ZC3H13: variants seen among roughly 807,000 people sequenced by gnomAD.
The protein encoded by ZC3H13 is zinc finger CCCH domain-containing protein 13.
In ZC3H13, 64 loss-of-function variants were observed where a neutral mutation model predicts 204.1. The observed-to-expected ratio is 0.31, with a 90% CI of 0.26 to 0.39. The LOEUF (loss-of-function observed/expected upper bound fraction) is 0.39, where lower values mean the gene tolerates loss of function less well. Ranked by LOEUF, ZC3H13 falls within the 10% of genes least tolerant of loss-of-function variation. ZC3H13 has a pLI of 1.00. For missense variants in ZC3H13, 1,833 were observed against 2,082.7 expected (o/e 0.88, Z 2.33); for synonymous variants, 667 against 693.7 (o/e 0.96, Z 0.60).
chr13:45,974,346 A>G (rs971676699), intron 12 of ZC3H13, among the ~76,000 whole-genome samples: 1 of 152,186 alleles, frequency 6.6e-6, no homozygotes, highest in Non-Finnish European at 1.5e-5. Flanking sequence ...CATCTTAGCC[A>G]TCATATGGAG....
chr13:45,972,378 T>C (rs1375464706), intron 12 of ZC3H13, among the ~76,000 whole-genome samples: 1 of 152,030 alleles, frequency 6.6e-6, no homozygotes, highest in African/African-American at 2.4e-5. Context: ...CACCTGTAAG[T>C]GAGAGCTAAG....
In ZC3H13 at chr13:45,959,639, G is replaced by A. The variant is rs1207384443; in HGVS notation, c.4683C>T (p.Asp1561=). The change falls in exon 18 of 19, where the codon GAC becomes GAT. Residue 1561 remains aspartate, a synonymous_variant. Transcript: ENST00000679008. ...QRLLEKPKDA[D]NLFEHELGAL... is the part of the protein sequence containing the mutation. ...CCCCCAATTCATGTTCAAAGAGATT[G>A]TCTGCATCTTTCAAAAAAAAGTAAA... 4 of 1,513,986 alleles carry A rather than the reference G, an allele frequency of 2.6e-6. No individual in the cohort carries two copies. The highest frequency in any genetic ancestry group is 3.5e-6 in the Non-Finnish European group (4 of 1,133,302). The allele number at this position is 1,513,986 out of a possible 1,614,324, so 93.8% of individuals were successfully genotyped here.
At position 45,975,205 on chromosome 13, in the gene ZC3H13, T is replaced by C. The variant is rs1282110031; in HGVS notation, c.2468+78A>G. ...AAAAATTAACAGGAAATTAAGAGTA[T>C]ATTGAAAAGCATTAAATGAAACTTT... is the stretch of plus-strand genomic sequence containing the variant. On this transcript the variant is annotated intron_variant, in intron 12 of 18. Coordinates refer to ENST00000679008, the MANE Select transcript of ZC3H13 (RefSeq NM_001330564.2). 10 of 1,521,322 alleles carry C rather than the reference T, an allele frequency of 6.6e-6. No homozygotes were observed. The East Asian group carries it at 2.0e-4, about 31-fold the overall frequency. 94.2% of individuals were successfully genotyped at this position (1,521,322 alleles called of 1,614,324 possible).
At chr13:46,010,229 C>T in intron 7 of ZC3H13, 119 bp downstream of exon 7, 7 of 1,060,374 alleles carry the variant, frequency 6.6e-6, no homozygotes, top group African/African-American at 3.2e-5. Flanking sequence ...CTTTTTAGAA[C>T]AAAAAAGCTT....
At position 45,999,881 on chromosome 13, in the gene ZC3H13, T is replaced by C. The variant is rs2138453313; in HGVS notation, c.944+3258A>G. Among the ~76,000 whole-genome samples, 3 of 152,326 alleles carry C rather than the reference T, an allele frequency of 2.0e-5. No homozygotes were observed. The South Asian group carries it at 6.2e-4, about 32-fold the overall frequency. On this transcript the variant is annotated intron_variant, in intron 8 of 18. Coordinates refer to ENST00000679008, the MANE Select transcript of ZC3H13 (RefSeq NM_001330564.2). ...TGATCCATGGGCTGTAGGGTGCCTT[T>C]TGTCTTAGCGAGCATGAAACTATTA... is the stretch of plus-strand genomic sequence containing the variant.
chr13:46,009,189 G>A (rs2041368611), intron 7 of ZC3H13, among the ~76,000 whole-genome samples: 1 of 152,100 alleles, frequency 6.6e-6, no homozygotes, highest in Admixed American at 6.6e-5. Context: ...AATTGAGATA[G>A]AAGGGGGTAG....
intron 17 of ZC3H13, chr13:45,963,226 T>C: frequency 1.0e-6 from 1 of 985,452 alleles, no homozygotes; most frequent in Non-Finnish European, 1.2e-6. Flanking sequence ...TCATCCGGCC[T>C]TACAGACCAA....
intron 10 of ZC3H13, among the ~76,000 whole-genome samples, chr13:45,982,178 G>A (rs569880187): frequency 2.0e-5 from 3 of 151,840 alleles, no homozygotes; most frequent in East Asian, 1.9e-4. Flanking sequence ...AGGCTTTTGA[G>A]ACCTAAAAGA....
intron 5 of ZC3H13, among the ~76,000 whole-genome samples, chr13:46,019,717 G>A (rs1054156114): frequency 6.6e-6 from 1 of 152,090 alleles, no homozygotes; most frequent in African/African-American, 2.4e-5. Flanking sequence ...CCAAGTAGCT[G>A]GGATCACAGG....
At position 46,040,029 on chromosome 13, in the gene ZC3H13, G is replaced by C. The variant is rs907458838; in HGVS notation, c.339+2135C>G. On this transcript the variant is annotated intron_variant, in intron 4 of 18. Coordinates refer to ENST00000679008, the MANE Select transcript of ZC3H13 (RefSeq NM_001330564.2). ...TTTCAAAATGTAATACACACGCTTAGCCCCAACCCAGAAATTCTGATTCAG... is the reference window on the plus strand; with the variant it reads ...TTTCAAAATGTAATACACACGCTTACCCCCAACCCAGAAATTCTGATTCAG... Among the ~76,000 whole-genome samples the C allele has an allele frequency of 5.3e-5, 8 of 152,092 alleles. 1 individual carries two copies.
chr13:46,045,126 G>A lies in ZC3H13; in HGVS notation c.118-62C>T, dbSNP rs374611835. The A allele has an allele frequency of 3.2e-5, 45 of 1,416,088 alleles. 1 individual carries two copies. The East Asian group carries it at 3.3e-4, about 10-fold the overall frequency. 87.7% of individuals were successfully genotyped at this position (1,416,088 alleles called of 1,614,324 possible). On this transcript the variant is annotated intron_variant, in intron 2 of 18. Transcript: ENST00000679008. ...ATTTCTGGAAAAAAAAAATGCTAGC[G>A]GGACAAAATTAAAACAAATGCTACC...
At chr13:46,034,172 CAG>C (rs2043068962) in intron 4 of ZC3H13, among the ~76,000 whole-genome samples, 1 of 152,184 alleles carries the variant, frequency 6.6e-6, no homozygotes, top group Admixed American at 6.5e-5. Flanking sequence ...GGTAAGAATA[CAG>C]AGAGAAAATT....
At chr13:46,019,737 C>G (rs377040875) in intron 5 of ZC3H13, among the ~76,000 whole-genome samples, 1 of 152,148 alleles carries the variant, frequency 6.6e-6, no homozygotes, top group Non-Finnish European at 1.5e-5. Flanking sequence ...GCATGCACCA[C>G]CATGTCAGGC....
intron 5 of ZC3H13, among the ~76,000 whole-genome samples, chr13:46,011,918 T>G (rs957024053): frequency 6.6e-6 from 1 of 152,318 alleles, no homozygotes; most frequent in South Asian, 2.1e-4. Context: ...CTGTATACGA[T>G]GCGACTCATT....
intron 18 of ZC3H13, among the ~76,000 whole-genome samples, chr13:45,958,190 T>A (rs1402408060): frequency 1.3e-5 from 2 of 152,212 alleles, no homozygotes; most frequent in African/African-American, 2.4e-5. Flanking sequence ...CATTCTTCTG[T>A]TTTTTAAAAA....
intron 7 of ZC3H13, among the ~76,000 whole-genome samples, chr13:46,004,497 G>A (rs558422090): frequency 1.6e-4 from 24 of 152,170 alleles, no homozygotes; most frequent in East Asian, 5.8e-4. Context: ...CCAAGATTGC[G>A]CCACTGCACT....
intron 8 of ZC3H13, among the ~76,000 whole-genome samples, chr13:45,997,171 A>G (rs536115049): frequency 6.6e-6 from 1 of 152,368 alleles, no homozygotes; most frequent in Non-Finnish European, 1.5e-5. Flanking sequence ...AGTAAAGTTA[A>G]GTTGGAAGAC....
rs201393459 is a variant in ZC3H13, at chr13:45,967,714, T to C, written c.4111A>G (p.Arg1371Gly). The change falls in exon 15 of 19, where the codon AGG (arginine) becomes GGG (glycine). Residue 1371 changes from arginine (R) to glycine (G), a missense_variant. Physicochemically the swap from Arg to Gly is moderately radical, Grantham distance 125 (BLOSUM62 -2). Coordinates refer to ENST00000679008, the MANE Select transcript of ZC3H13 (RefSeq NM_001330564.2). Reference sequence around the variant, plus strand: ...AAAGTTCTGTCTCTGTCTCTGTCCCTGTCCCTTTCAACAGAATCAGAAATT... The same window carrying C: ...AAAGTTCTGTCTCTGTCTCTGTCCCCGTCCCTTTCAACAGAATCAGAAATT... ...RLISDSVERD[R>G]DRDRDRTFES... is the part of the protein sequence containing the mutation. 15 of 1,614,010 alleles carry C rather than the reference T, an allele frequency of 9.3e-6. No homozygotes were observed. The highest frequency in any genetic ancestry group is 1.3e-5 in the Non-Finnish European group (15 of 1,179,984).
At position 45,957,202 on chromosome 13, in the gene ZC3H13, A is replaced by C; in HGVS notation, c.4935T>G (p.His1645Gln). The C allele has an allele frequency of 6.5e-7, 1 of 1,549,268 alleles. No homozygotes were observed. The highest frequency in any genetic ancestry group is 8.7e-7 in the Non-Finnish European group (1 of 1,146,290). ...CTTCAGTCTTTTCATGTCCTGGAGC[A>C]TGGCAAGTAGTCTTCCGCTTAAATA... is the stretch of plus-strand genomic sequence containing the variant. The part of the protein sequence containing the change: ...LRLFKRKTTC[H>Q]APGHEKTEDN... Residue 1645 changes from histidine (H) to glutamine (Q), a missense_variant, in exon 19 of 19, where the codon CAT becomes CAG. This residue lies in a region of ZC3H13 where 211 missense variants were observed against 228.4 expected (regional missense o/e 0.92). Coordinates refer to ENST00000679008, the MANE Select transcript of ZC3H13 (RefSeq NM_001330564.2).
Sources: allele counts gnomAD v4.1 joint callset (sites outside exome capture counted in the v4.1 genomes callset), GRCh38; gene constraint gnomAD v4.1.1; regional missense constraint gnomAD v4.1.1; transcripts MANE v1.5; gene names NCBI Gene and HGNC (gene_info 2026-07-23, HGNC 2026-07-21).